MERTK: variants seen among roughly 807,000 people sequenced by gnomAD.
The protein encoded by MERTK is tyrosine-protein kinase Mer.
Under a neutral mutation model 99.3 loss-of-function variants are expected in MERTK, and 69 were observed. The observed-to-expected ratio is 0.70, with a 90% CI of 0.57 to 0.85. The LOEUF (loss-of-function observed/expected upper bound fraction) is 0.85. Ranked by LOEUF, MERTK falls within the 40% of genes least tolerant of loss-of-function variation. The probability of loss-of-function intolerance (pLI) is 0.00; values close to 1 mark genes in which losing one functional copy is unlikely to be tolerated. For missense variants in MERTK, 1,125 were observed against 1,249.4 expected, an observed-to-expected ratio of 0.90 and a Z score of 1.50; for synonymous variants, 426 against 467.6, an observed-to-expected ratio of 0.91 and a Z score of 1.15.
intron 13 of MERTK, among the ~76,000 whole-genome samples, chr2:112,007,727 T>C (rs1677013171): frequency 6.6e-6 from 1 of 151,720 alleles, no homozygotes; most frequent in South Asian, 2.1e-4. Context: ...CAAGGCGTGG[T>C]TGAGCAACCA....
rs932833701 is a variant in MERTK at position 112,007,389 on chromosome 2, C to T, written c.1868-994C>T. On this transcript the variant is annotated intron_variant, in intron 13 of 18. Coordinates refer to ENST00000295408, the MANE Select transcript of MERTK (RefSeq NM_006343.3). The stretch of plus-strand genomic sequence containing the variant: ...CAGGATGGTCTCGATCTCCTGACCT[C>T]GTGATCCACCCACCTCAGCCTCCCA... 7.2e-5 allele frequency among the ~76,000 whole-genome samples: 11 copies of T among 152,102 alleles called. No homozygotes were observed. The South Asian group carries it at 1.4e-3, about 20-fold the overall frequency.
At chr2:111,935,656 T>C (rs1230503341) in intron 2 of MERTK, among the ~76,000 whole-genome samples, 1 of 150,804 alleles carries the variant, frequency 6.6e-6, no homozygotes, top group Non-Finnish European at 1.5e-5. Flanking sequence ...TGTGTGTGTG[T>C]GTGTGTGTGT....
chr2:111,907,698 G>A (rs555933652), intron 1 of MERTK, among the ~76,000 whole-genome samples: 1 of 152,346 alleles, frequency 6.6e-6, no homozygotes, highest in South Asian at 2.1e-4. Context: ...CAGGATCAGG[G>A]AGAATGATGT....
rs202118092 is a variant in MERTK at position 111,944,932 on chromosome 2, A to T, written c.483-28A>T. The T allele has an allele frequency of 6.2e-4, 976 of 1,585,982 alleles. 4 individuals are homozygous for T. Among genetic ancestry groups the T allele is most frequent in the Non-Finnish European group, 2.9e-4 (333 of 1,156,044 alleles). On this transcript the variant is annotated intron_variant, in intron 2 of 18. Transcript: ENST00000295408. ...TAGGAACTCAAAGGGTAGTCACTGT[A>T]AATATCTTCATGTGTTTTTCTTTGC... is the stretch of plus-strand genomic sequence containing the variant.
At chr2:111,966,831 A>G (rs1030244150) in intron 5 of MERTK, among the ~76,000 whole-genome samples, 2 of 152,094 alleles carry the variant, frequency 1.3e-5, no homozygotes, top group Admixed American at 6.5e-5. Flanking sequence ...ATCAAACCCA[A>G]ACTCCTAAAT....
chr2:111,964,888 T>C (rs1029905091), intron 4 of MERTK, among the ~76,000 whole-genome samples: 1 of 152,148 alleles, frequency 6.6e-6, no homozygotes, highest in Admixed American at 6.5e-5. Context: ...TTCCTTGATA[T>C]TGGGGCTAGC....
chr2:112,024,328 C>T (rs1314514201), intron 18 of MERTK, among the ~76,000 whole-genome samples: 1 of 152,228 alleles, frequency 6.6e-6, no homozygotes, highest in Non-Finnish European at 1.5e-5. Context: ...AGCTGTGTCA[C>T]GTTGTGGTTT....
rs528642897 is a variant in MERTK, at chr2:112,022,971, ATG to A, written c.2486+583_2486+584del. Among the ~76,000 whole-genome samples the A allele has an allele frequency of 2.1e-3, 313 of 152,164 alleles. 1 individual carries two copies. The highest frequency in any genetic ancestry group is 0.017 in the Middle Eastern group (5 of 294). On this transcript the variant is annotated intron_variant, in intron 18 of 18. Coordinates refer to ENST00000295408, the MANE Select transcript of MERTK (RefSeq NM_006343.3). ...CTTTCGGTACAAAGTGGGCCCAGAA[ATG>A]TGTGTTTTAGAATGCTCCCTGGGGC...
At chr2:112,004,008 A>T (rs1295608834) in intron 13 of MERTK, 24 bp downstream of exon 13, 7 of 1,591,466 alleles carry the variant, frequency 4.4e-6, no homozygotes, top group Non-Finnish European at 5.2e-6. Context: ...GATGAATCCC[A>T]TTCTTCTAGG....
chr2:111,928,627 G>A (rs183338243), intron 1 of MERTK, among the ~76,000 whole-genome samples: 33 of 152,148 alleles, frequency 2.2e-4, no homozygotes, highest in Admixed American at 1.8e-3. Flanking sequence ...CTGGGATTAC[G>A]GGAATGTGCC....
chr2:111,965,652 T>C (rs534789810), intron 5 of MERTK, among the ~76,000 whole-genome samples: 1 of 152,286 alleles, frequency 6.6e-6, no homozygotes, highest in South Asian at 2.1e-4. Context: ...AACTACTCAT[T>C]AACCCTTGAA....
chr2:111,950,925 GTCT>G (rs1395208993), intron 4 of MERTK, among the ~76,000 whole-genome samples: 2 of 152,046 alleles, frequency 1.3e-5, no homozygotes, highest in African/African-American at 2.4e-5. Flanking sequence ...ATTTATTTAG[GTCT>G]TCTTTAATTT....
Position 112,003,916 on chromosome 2 carries a change from C to T in MERTK, c.1799C>T (p.Ser600Phe). 1 of 1,613,464 alleles carries T rather than the reference C, an allele frequency of 6.2e-7. No individual in the cohort carries two copies. Among genetic ancestry groups the T allele is most frequent in the Non-Finnish European group, 8.5e-7 (1 of 1,179,446 alleles). The change falls in exon 13 of 19, where the codon TCT becomes TTT. Residue 600 changes from serine to phenylalanine, a missense_variant. Physicochemically the swap from Ser to Phe is radical, Grantham distance 155. Transcript: ENST00000295408. Reference sequence around the variant, plus strand: ...TTTCACTTCACAGGAGAGTTTGGGTCTGTAATGGAAGGAAATCTTAAGCAG... The same window carrying T: ...TTTCACTTCACAGGAGAGTTTGGGTTTGTAATGGAAGGAAATCTTAAGCAG... ...GKILGEGEFG[S>F]VMEGNLKQED...
At chr2:111,928,024 A>G (rs1461351652) in intron 1 of MERTK, among the ~76,000 whole-genome samples, 2 of 152,232 alleles carry the variant, frequency 1.3e-5, no homozygotes, top group East Asian at 1.9e-4. Flanking sequence ...TACAGCTATT[A>G]TGAGCCTTCC....
At chr2:111,942,721 G>A (rs1684887131) in intron 2 of MERTK, among the ~76,000 whole-genome samples, 2 of 152,126 alleles carry the variant, frequency 1.3e-5, no homozygotes, top group South Asian at 4.1e-4. Flanking sequence ...GAGGGGAAAG[G>A]GGAAGACAGA....
Position 111,944,989 on chromosome 2 carries a change from G to C in MERTK, c.512G>C (p.Gly171Ala). 1 of 1,613,648 alleles carries C rather than the reference G, an allele frequency of 6.2e-7. No individual in the cohort carries two copies. Among genetic ancestry groups the C allele is most frequent in the Non-Finnish European group, 8.5e-7 (1 of 1,179,778 alleles). The change falls in exon 3 of 19, where the codon GGG becomes GCG. Residue 171 changes from glycine (G) to alanine (A), a missense_variant. Physicochemically the swap from Gly to Ala is moderately conservative, Grantham distance 60 (BLOSUM62 0). Transcript: ENST00000295408. ...SITSVQRSDN[G>A]SYICKMKINN... is the part of the protein sequence containing the mutation. Reference sequence around the variant, plus strand: ...ACCAGTGTGCAGCGTTCAGACAATGGGTCGTATATCTGTAAGATGAAAATA... The same window carrying C: ...ACCAGTGTGCAGCGTTCAGACAATGCGTCGTATATCTGTAAGATGAAAATA...
intron 15 of MERTK, among the ~76,000 whole-genome samples, chr2:112,014,148 A>AGT (rs1302094024): frequency 4.0e-5 from 6 of 151,360 alleles, no homozygotes; most frequent in Non-Finnish European, 7.4e-5. Context: ...CAGCCTCCCG[A>AGT]GTACCTGGGA....
intron 7 of MERTK, among the ~76,000 whole-genome samples, chr2:111,978,703 C>A (rs145366801): frequency 6.6e-6 from 1 of 152,174 alleles, no homozygotes; most frequent in Non-Finnish European, 1.5e-5. Flanking sequence ...TTTATGTTTC[C>A]ACTCTAGGTA....
intron 18 of MERTK, among the ~76,000 whole-genome samples, chr2:112,024,458 C>T (rs1463844935): frequency 6.6e-6 from 1 of 152,230 alleles, no homozygotes; most frequent in East Asian, 1.9e-4. Context: ...GCGAACCTGC[C>T]ACCCCCGCCT....
Sources: gnomAD v4.1 joint callset for allele counts (sites outside exome capture counted in the v4.1 genomes callset) on GRCh38, gnomAD v4.1.1 for gene constraint, MANE v1.5 for transcripts, NCBI Gene and HGNC (gene_info 2026-07-23, HGNC 2026-07-21) for gene names.